CBLN2: variants seen among roughly 807,000 people sequenced by gnomAD.
CBLN2 encodes the protein cerebellin 2 precursor.
A neutral mutation model predicts 15.0 loss-of-function variants in CBLN2; 7 were observed. The ratio of observed to expected loss-of-function variants is 0.47; its 90% confidence interval spans 0.27 to 0.88. CBLN2 has a LOEUF of 0.88. Ranked by LOEUF, CBLN2 falls within the 40% of genes least tolerant of loss-of-function variation. The pLI is 0.14. For missense variants in CBLN2, 242 were observed against 304.5 expected (o/e 0.79, Z 1.53); for synonymous variants, 149 against 135.2 (o/e 1.10, Z -0.71).
intron 1 of CBLN2, among the ~76,000 whole-genome samples, chr18:72,600,439 TG>T (rs1445201520): frequency 6.6e-6 from 1 of 152,146 alleles, no homozygotes; most frequent in Non-Finnish European, 1.5e-5. Flanking sequence ...TACGGGAATT[TG>T]GGTGTGAAAG....
At chr18:72,563,451 C>T (rs963495582) in intron 1 of CBLN2, among the ~76,000 whole-genome samples, 9 of 151,804 alleles carry the variant, frequency 5.9e-5, no homozygotes, top group Non-Finnish European at 1.0e-4. Context: ...TGCCTAATTT[C>T]CCCCCACCCC....
intron 1 of CBLN2, among the ~76,000 whole-genome samples, chr18:72,549,876 T>C (rs948273421): frequency 6.6e-6 from 1 of 152,014 alleles, no homozygotes; most frequent in East Asian, 2.0e-4. Context: ...GGCAAATGCT[T>C]ACCTAGGGTT....
chr18:72,543,118 A>ATT lies in CBLN2; in HGVS notation c.-167+366_-167+367dup, dbSNP rs961165408. 5.2e-6 allele frequency: 1 copy of ATT among 190,520 alleles called. No homozygotes were observed. Among genetic ancestry groups the ATT allele is most frequent in the African/African-American group, 2.3e-5 (1 of 42,978 alleles). 11.8% of individuals were successfully genotyped at this position (190,520 alleles called of 1,614,324 possible). ...CAGCTCTGGTTTCCAGACCACGGGGATTCTCTCTTTCTCAGCGGGGCGGCA... is the reference window on the plus strand; with the variant it reads ...CAGCTCTGGTTTCCAGACCACGGGGATTTTCTCTCTTTCTCAGCGGGGCGGCA... On this transcript the variant is annotated intron_variant, in intron 2 of 4. Transcript: ENST00000269503. This position sits in a 1 kb window ranked among gnomAD's most constrained non-coding sequence, Gnocchi z 6.8.
At chr18:72,631,788 A>G (rs1402492817) in intron 1 of CBLN2, among the ~76,000 whole-genome samples, 4 of 152,140 alleles carry the variant, frequency 2.6e-5, no homozygotes, top group Non-Finnish European at 4.4e-5. Flanking sequence ...AAATACACTC[A>G]GGAAATACAG....
chr18:72,584,442 C>T (rs1480531857), intron 1 of CBLN2, among the ~76,000 whole-genome samples: 1 of 151,996 alleles, frequency 6.6e-6, no homozygotes, highest in Non-Finnish European at 1.5e-5. Context: ...CTCCCAACTC[C>T]AGGTGCATGC....
At chr18:72,596,125 T>C (rs1003171924) in intron 1 of CBLN2, among the ~76,000 whole-genome samples, 7 of 152,152 alleles carry the variant, frequency 4.6e-5, no homozygotes, top group African/African-American at 1.7e-4. Flanking sequence ...TTCCTTCCAG[T>C]CTTCCTTTTA....
At chr18:72,575,271 G>A (rs992178553) in intron 1 of CBLN2, among the ~76,000 whole-genome samples, 7 of 152,120 alleles carry the variant, frequency 4.6e-5, no homozygotes, top group Admixed American at 4.6e-4. Flanking sequence ...GTGAGGTCGG[G>A]TGTGTGCCTG....
chr18:72,564,073 C>G (rs1024335492), intron 1 of CBLN2, among the ~76,000 whole-genome samples: 1 of 152,184 alleles, frequency 6.6e-6, no homozygotes, highest in Non-Finnish European at 1.5e-5. Context: ...TGAAATCCAT[C>G]TTATAAAACT....
chr18:72,558,042 G>C (rs555707149), intron 1 of CBLN2, among the ~76,000 whole-genome samples: 33 of 152,294 alleles, frequency 2.2e-4, no homozygotes, highest in African/African-American at 7.7e-4. Flanking sequence ...GTCACGGAAG[G>C]TTTCCTAAAG....
intron 1 of CBLN2, among the ~76,000 whole-genome samples, chr18:72,593,376 G>T (rs2069492855): frequency 6.6e-6 from 1 of 152,020 alleles, no homozygotes; most frequent in Admixed American, 6.6e-5. Context: ...GAAAATTTTT[G>T]AATTTGTTTA....
At chr18:72,550,412 A>C (rs548085668) in intron 1 of CBLN2, among the ~76,000 whole-genome samples, 18 of 152,332 alleles carry the variant, frequency 1.2e-4, no homozygotes, top group South Asian at 2.1e-4. Context: ...AAAATGCAGG[A>C]AGGCTCAGAA....
At chr18:72,612,749 G>T (rs1423144108) in intron 1 of CBLN2, among the ~76,000 whole-genome samples, 1 of 152,128 alleles carries the variant, frequency 6.6e-6, no homozygotes, top group Non-Finnish European at 1.5e-5. Context: ...ACATGATTTT[G>T]TTTGTTCTTC....
At chr18:72,615,222 G>GTACATATATATTATATATA (rs1425000896) in intron 1 of CBLN2, among the ~76,000 whole-genome samples, 14 of 129,180 alleles carry the variant, frequency 1.1e-4, no homozygotes, top group Non-Finnish European at 1.9e-4. Flanking sequence ...GTATATATAT[G>GTACATATATATTATATATA]TACATATATA....
chr18:72,625,818 C>CTATATATA (rs56391046), intron 1 of CBLN2, among the ~76,000 whole-genome samples: 26 of 57,362 alleles, frequency 4.5e-4, no homozygotes, highest in Middle Eastern at 0.013. Context: ...CTCTCTCTCT[C>CTATATATA]TATATATATA....
chr18:72,619,594 C>T (rs2069686016), intron 1 of CBLN2, among the ~76,000 whole-genome samples: 1 of 152,116 alleles, frequency 6.6e-6, no homozygotes, highest in African/African-American at 2.4e-5. Context: ...TCAGTGTAAT[C>T]CACCTGTATA....
chr18:72,599,305 A>G (rs1021334411), intron 1 of CBLN2, among the ~76,000 whole-genome samples: 4 of 152,226 alleles, frequency 2.6e-5, no homozygotes, highest in Admixed American at 2.6e-4. Flanking sequence ...CATTTAAAAG[A>G]CAGTATTAGA....
At chr18:72,553,811 A>G (rs2069206809) in intron 1 of CBLN2, among the ~76,000 whole-genome samples, 1 of 152,210 alleles carries the variant, frequency 6.6e-6, no homozygotes, top group Admixed American at 6.5e-5. Context: ...TTATAGAGTG[A>G]CAAAAATCAT....
chr18:72,578,216 G>T (rs1000814798), intron 1 of CBLN2, among the ~76,000 whole-genome samples: 3 of 152,166 alleles, frequency 2.0e-5, no homozygotes, highest in Non-Finnish European at 4.4e-5. Flanking sequence ...AATTAGCAAA[G>T]TTTTCATACA....
intron 1 of CBLN2, among the ~76,000 whole-genome samples, chr18:72,603,891 C>T (rs968514154): frequency 1.3e-5 from 2 of 152,088 alleles, no homozygotes; most frequent in African/African-American, 4.8e-5. Flanking sequence ...AGAAAATGGC[C>T]TCTGGAACTC....
Sources: allele counts gnomAD v4.1 joint callset (sites outside exome capture counted in the v4.1 genomes callset), GRCh38; gene constraint gnomAD v4.1.1; non-coding constraint Gnocchi (gnomAD v3.1); transcripts MANE v1.5; gene names NCBI Gene and HGNC (gene_info 2026-07-23, HGNC 2026-07-21).